HMCN1: variants seen among roughly 807,000 people sequenced by gnomAD.
The protein encoded by HMCN1 is hemicentin-1.
HMCN1 carries 321 observed loss-of-function variants against 625.9 expected under a neutral mutation model. That is an observed-to-expected ratio of 0.51 (90% CI 0.47 to 0.56). HMCN1 has a LOEUF of 0.56. Among genes scored for constraint, HMCN1 ranks in the 20% least tolerant of loss-of-function variants. The pLI is 0.00. For synonymous variants in HMCN1, 2,425 were observed against 2,417.6 expected (o/e 1.00, Z -0.09); for missense variants, 6,588 against 6,887.3 (o/e 0.96, Z 1.54).
chr1:186,111,202 C>A (rs1008294050), intron 71 of HMCN1, among the ~76,000 whole-genome samples: 1 of 151,394 alleles, frequency 6.6e-6, no homozygotes, highest in Non-Finnish European at 1.5e-5. Context: ...AGGATGGTCT[C>A]GATCTCCTGA....
intron 2 of HMCN1, among the ~76,000 whole-genome samples, chr1:185,859,076 T>A (rs1662701598): frequency 6.7e-6 from 1 of 148,174 alleles, no homozygotes; most frequent in South Asian, 2.2e-4. Context: ...TATACATATA[T>A]GATAAAGTTT....
At chr1:185,982,235 A>T (rs1651691799) in intron 17 of HMCN1, 27 bp from the exon 18 acceptor site, 1 of 1,613,070 alleles carries the variant, frequency 6.2e-7, no homozygotes, top group Non-Finnish European at 8.5e-7. Context: ...ATAGAGTTGA[A>T]AGTGCCTGTG....
At chr1:185,867,293 A>C (rs1663318346) in intron 4 of HMCN1, among the ~76,000 whole-genome samples, 2 of 152,174 alleles carry the variant, frequency 1.3e-5, no homozygotes, top group Non-Finnish European at 2.9e-5. Flanking sequence ...AGCCCTCAAC[A>C]GTTGATTTGC....
intron 11 of HMCN1, among the ~76,000 whole-genome samples, chr1:185,954,216 A>G (rs1359396081): frequency 6.6e-6 from 1 of 152,174 alleles, no homozygotes; most frequent in Non-Finnish European, 1.5e-5. Context: ...GAGGCCTGAC[A>G]ACCCATAATG....
chr1:185,948,864 G>A (rs1668489315), intron 11 of HMCN1, among the ~76,000 whole-genome samples: 1 of 151,810 alleles, frequency 6.6e-6, no homozygotes, highest in Non-Finnish European at 1.5e-5. Flanking sequence ...GGGATTAGGG[G>A]CGGCGTGGGA....
chr1:185,930,602 GCCCAAGTTCTACCAATATGTCGCCT>G (rs1667493504), intron 10 of HMCN1, among the ~76,000 whole-genome samples: 1 of 152,070 alleles, frequency 6.6e-6, no homozygotes, highest in Non-Finnish European at 1.5e-5. Flanking sequence ...TTAAAGAAAA[GCCCAAGTTCTACCAATATGTCGCCT>G]CAATTTTTGC....
At chr1:185,795,512 T>A (rs922951060) in intron 1 of HMCN1, among the ~76,000 whole-genome samples, 3 of 152,174 alleles carry the variant, frequency 2.0e-5, no homozygotes, top group Non-Finnish European at 2.9e-5. Context: ...CTCAAGAAAT[T>A]GTGATGAGTG....
At chr1:186,027,209 A>G (rs1655116580) in intron 36 of HMCN1, among the ~76,000 whole-genome samples, 1 of 152,134 alleles carries the variant, frequency 6.6e-6, no homozygotes, top group Non-Finnish European at 1.5e-5. Context: ...GGGGTTTTCC[A>G]GGGTGGGGAG....
intron 1 of HMCN1, among the ~76,000 whole-genome samples, chr1:185,776,676 A>G (rs1656636260): frequency 6.6e-6 from 1 of 152,136 alleles, no homozygotes; most frequent in Admixed American, 6.5e-5. Flanking sequence ...GAGTGGAAAA[A>G]ATATATATGC....
intron 1 of HMCN1, among the ~76,000 whole-genome samples, chr1:185,797,021 T>C (rs1056614851): frequency 1.3e-5 from 2 of 152,232 alleles, no homozygotes; most frequent in East Asian, 3.8e-4. Flanking sequence ...TTTGTTGACT[T>C]TTTAATAATA....
At chr1:186,074,930 T>C in intron 53 of HMCN1, 39 bp downstream of exon 53, 1 of 1,495,514 alleles carries the variant, frequency 6.7e-7, no homozygotes, top group Non-Finnish European at 9.3e-7. Context: ...GTAATTTATA[T>C]GATCTTTCAA....
At chr1:186,179,404 T>C (rs1293666898) in intron 104 of HMCN1, among the ~76,000 whole-genome samples, 2 of 152,238 alleles carry the variant, frequency 1.3e-5, no homozygotes, top group African/African-American at 4.8e-5. Flanking sequence ...AAAAGTGAAG[T>C]ATAATTTCCC....
At chr1:186,056,481 G>A (rs749979844) in intron 45 of HMCN1, among the ~76,000 whole-genome samples, 2 of 151,916 alleles carry the variant, frequency 1.3e-5, no homozygotes, top group Non-Finnish European at 2.9e-5. Context: ...ATTCACAGTA[G>A]CAAAGACATA....
intron 65 of HMCN1, 73 bp downstream of exon 65, chr1:186,093,331 G>A: frequency 3.8e-6 from 6 of 1,599,036 alleles, no homozygotes; most frequent in Non-Finnish European, 5.1e-6. Flanking sequence ...AGGCCCAGCA[G>A]CAGGTGTCTG....
chr1:185,802,077 T>C (rs1557980389), intron 1 of HMCN1, among the ~76,000 whole-genome samples: 1 of 151,956 alleles, frequency 6.6e-6, no homozygotes, highest in Non-Finnish European at 1.5e-5. Flanking sequence ...GTTGAGGAGA[T>C]GAGAAAAAGT....
At chr1:185,981,252 C>T (rs1254896454) in intron 17 of HMCN1, among the ~76,000 whole-genome samples, 179 bp downstream of exon 17, 1 of 151,968 alleles carries the variant, frequency 6.6e-6, no homozygotes, top group African/African-American at 2.4e-5. Context: ...TGGAAATAAC[C>T]TTAGAGATTA....
chr1:186,157,406 G>GA (rs1651094360), intron 97 of HMCN1, among the ~76,000 whole-genome samples: 1 of 152,150 alleles, frequency 6.6e-6, no homozygotes, highest in South Asian at 2.1e-4. Context: ...ATTTTAATAT[G>GA]AAAATCTTTG....
rs546340601 is a variant in HMCN1, at chr1:186,187,133, T to C, written c.16415-750T>C. 1.6e-4 allele frequency among the ~76,000 whole-genome samples: 24 copies of C among 152,212 alleles called. No homozygotes were observed. The Middle Eastern group carries it at 0.01, about 65-fold the overall frequency. On this transcript the variant is annotated intron_variant, in intron 105 of 106. Coordinates refer to ENST00000271588, the MANE Select transcript of HMCN1 (RefSeq NM_031935.3). ...AAAACACTTTCAGGAAGCACTTAAG[T>C]GTGTTTCTACTTAACTTAGTGTAGA... is the stretch of plus-strand genomic sequence containing the variant.
chr1:186,094,104 A>G (rs960543065), intron 66 of HMCN1, among the ~76,000 whole-genome samples, 172 bp from the exon 67 acceptor site: 4 of 152,116 alleles, frequency 2.6e-5, no homozygotes, highest in Non-Finnish European at 5.9e-5. Context: ...TCAGCTTTGT[A>G]GAATAAATTG....
Sources: allele counts gnomAD v4.1 joint callset (sites outside exome capture counted in the v4.1 genomes callset), GRCh38; gene constraint gnomAD v4.1.1; transcripts MANE v1.5; gene names NCBI Gene and HGNC (gene_info 2026-07-23, HGNC 2026-07-21).